The following POC1A variants were observed in gnomAD, a reference collection of about 807,000 sequenced individuals.
POC1A encodes POC1 centriolar protein A.
In POC1A, 34 loss-of-function variants were observed where a neutral mutation model predicts 47.8. The ratio of observed to expected loss-of-function variants is 0.71; its 90% CI spans 0.54 to 0.95. The LOEUF (loss-of-function observed/expected upper bound fraction) is 0.95, where lower values mean the gene tolerates loss of function less well. Ranked by LOEUF, POC1A falls within the 40% of genes least tolerant of loss-of-function variation. The pLI, the probability that POC1A is intolerant of heterozygous loss-of-function variation, is 0.00. For synonymous variants in POC1A, 177 were observed against 207.6 expected (o/e 0.85, Z 1.27); for missense variants, 466 against 528.3 (o/e 0.88, Z 1.16).
At chr3:52,101,109 A>T (rs1030279273) in intron 9 of POC1A, among the ~76,000 whole-genome samples, 4 of 151,522 alleles carry the variant, frequency 2.6e-5, no homozygotes, top group Non-Finnish European at 4.4e-5. Flanking sequence ...AAAAAAAAAA[A>T]ATATCAAGCA....
intron 6 of POC1A, among the ~76,000 whole-genome samples, chr3:52,140,170 C>G (rs1281678934): frequency 2.0e-5 from 3 of 152,230 alleles, no homozygotes; most frequent in Admixed American, 6.5e-5. Flanking sequence ...GCCAGCCCAG[C>G]TGATGTGCCG....
intron 9 of POC1A, among the ~76,000 whole-genome samples, chr3:52,119,566 T>A: frequency 6.6e-6 from 1 of 152,008 alleles, no homozygotes; most frequent in Non-Finnish European, 1.5e-5. Flanking sequence ...AACTAATTTT[T>A]AAATTTTTTT....
chr3:52,146,060 A>G, intron 5 of POC1A, 99 bp from the exon 6 acceptor site: 1 of 696,712 alleles, frequency 1.4e-6, no homozygotes. Flanking sequence ...TGTCCTGCCC[A>G]CGCTGTTCCC....
At chr3:52,104,427 C>G (rs1577842257) in intron 9 of POC1A, among the ~76,000 whole-genome samples, 1 of 152,296 alleles carries the variant, frequency 6.6e-6, no homozygotes, top group Middle Eastern at 3.4e-3. Flanking sequence ...TCTGTCACAA[C>G]TCAGAGAACT....
At chr3:52,141,308 C>T (rs896322769) in intron 6 of POC1A, among the ~76,000 whole-genome samples, 2 of 152,226 alleles carry the variant, frequency 1.3e-5, no homozygotes, top group South Asian at 4.1e-4. Flanking sequence ...AGCCAAGGGC[C>T]CAGAGAAAGC....
intron 9 of POC1A, among the ~76,000 whole-genome samples, chr3:52,100,514 G>T (rs1702961571): frequency 6.6e-6 from 1 of 152,208 alleles, no homozygotes. Flanking sequence ...GAAATCTAAG[G>T]AAAGACAGAC....
intron 9 of POC1A, among the ~76,000 whole-genome samples, chr3:52,103,952 A>G (rs902449901): frequency 6.6e-6 from 1 of 152,230 alleles, no homozygotes; most frequent in African/African-American, 2.4e-5. Context: ...AAAGCTAAAC[A>G]TACACCTATT....
intron 1 of POC1A, among the ~76,000 whole-genome samples, chr3:52,151,438 TA>T (rs974388723): frequency 5.9e-5 from 9 of 151,684 alleles, no homozygotes; most frequent in East Asian, 3.8e-4. Context: ...TTATGATACA[TA>T]AAAAAAATAG....
Position 52,122,460 on chromosome 3 carries a change from A to C in POC1A, c.900T>G (p.Ser300Arg). The C allele has an allele frequency of 6.2e-7, 1 of 1,610,542 alleles. No homozygotes were observed. Among genetic ancestry groups the C allele is most frequent in the Non-Finnish European group, 8.5e-7 (1 of 1,176,830 alleles). Residue 300 changes from serine to arginine, a missense_variant, in exon 9 of 11, where the codon AGT (serine) becomes AGG (arginine). Ser to Arg is a moderately radical substitution (Grantham distance 110, BLOSUM62 -1). Transcript: ENST00000296484. ...CTCCATGATCAACAATATCAAAGTT[A>C]CTCTTCCAAACCATCACCTGCCAAA... ...GSDEQVMVWK[S>R]NFDIVDHGEV...
At chr3:52,142,574 C>A (rs1250373928) in intron 6 of POC1A, among the ~76,000 whole-genome samples, 1 of 152,212 alleles carries the variant, frequency 6.6e-6, no homozygotes, top group African/African-American at 2.4e-5. Flanking sequence ...TAGCCACACA[C>A]TGCAGTATCA....
At chr3:52,146,865 C>A in intron 5 of POC1A, 123 bp downstream of exon 5, 2 of 770,484 alleles carry the variant, frequency 2.6e-6, no homozygotes, top group Non-Finnish European at 4.6e-6. Flanking sequence ...AGACAAGGGG[C>A]AGCAGTGATA....
intron 10 of POC1A, among the ~76,000 whole-genome samples, chr3:52,078,503 CTTTT>C (rs531817608): frequency 8.8e-6 from 1 of 113,538 alleles, no homozygotes; most frequent in East Asian, 2.3e-4. Flanking sequence ...ATGGAAATCT[CTTTT>C]TTTTTTTTTT....
At chr3:52,125,229 T>C in intron 7 of POC1A, 48 bp from the exon 8 acceptor site, 1 of 1,430,446 alleles carries the variant, frequency 7.0e-7, no homozygotes. Flanking sequence ...CATTCTCCAT[T>C]CTAAATGCAC....
chr3:52,151,439 A>T lies in POC1A; in HGVS notation c.19-339T>A, dbSNP rs140224369. Among the ~76,000 whole-genome samples, 239 of 152,012 alleles carry T rather than the reference A, an allele frequency of 1.6e-3. 4 individuals carry two copies. The highest frequency in any genetic ancestry group is 4.9e-3 in the African/African-American group (202 of 41,496). On this transcript the variant is annotated intron_variant, in intron 1 of 10. Transcript: ENST00000296484. Reference sequence around the variant, plus strand: ...AAAAATAAAACTATTTATGATACATAAAAAAAATAGCAATATTTTAAATTA... The same window carrying T: ...AAAAATAAAACTATTTATGATACATTAAAAAAATAGCAATATTTTAAATTA...
chr3:52,125,440 G>T (rs970837101), intron 7 of POC1A, among the ~76,000 whole-genome samples: 2 of 152,158 alleles, frequency 1.3e-5, no homozygotes. Context: ...AGAGATGAGT[G>T]AATGGGACAG....
chr3:52,130,773 T>C (rs1225224454), intron 7 of POC1A, among the ~76,000 whole-genome samples: 2 of 152,120 alleles, frequency 1.3e-5, no homozygotes, highest in East Asian at 3.9e-4. Flanking sequence ...GACAGAGGGA[T>C]GGCCCACTGG....
chr3:52,099,455 A>G (rs768168817), intron 9 of POC1A, among the ~76,000 whole-genome samples: 8 of 152,258 alleles, frequency 5.3e-5, no homozygotes, highest in Non-Finnish European at 8.8e-5. Flanking sequence ...TAACCCAAGC[A>G]GCATTTAAAT....
At chr3:52,127,012 A>T (rs1445111558) in intron 7 of POC1A, among the ~76,000 whole-genome samples, 1 of 152,206 alleles carries the variant, frequency 6.6e-6, no homozygotes, top group Non-Finnish European at 1.5e-5. Flanking sequence ...GCCTGAGAGG[A>T]CACAAAGACA....
At chr3:52,100,281 C>T (rs1702953339) in intron 9 of POC1A, among the ~76,000 whole-genome samples, 1 of 152,210 alleles carries the variant, frequency 6.6e-6, no homozygotes, top group Admixed American at 6.5e-5. Flanking sequence ...TTCCTTGTGA[C>T]AAGAAATCAA....
Sources: allele counts gnomAD v4.1 joint callset (sites outside exome capture counted in the v4.1 genomes callset), GRCh38; gene constraint gnomAD v4.1.1; transcripts MANE v1.5; gene names NCBI Gene and HGNC (gene_info 2026-07-23, HGNC 2026-07-21).